The following CRYZL1 variants were observed in gnomAD, a reference collection of about 807,000 sequenced individuals.
CRYZL1 encodes crystallin zeta like 1.
CRYZL1 carries 34 observed loss-of-function variants against 50.6 expected under a neutral mutation model. The ratio of observed to expected loss-of-function variants is 0.67; its 90% confidence interval spans 0.51 to 0.89. The LOEUF is 0.89. CRYZL1 is among the 40% of genes least tolerant of loss of function. CRYZL1 has a pLI of 0.00. For synonymous variants in CRYZL1, 125 were observed against 134.3 expected, an observed-to-expected ratio of 0.93 and a Z score of 0.48; for missense variants, 354 against 402.3, an observed-to-expected ratio of 0.88 and a Z score of 1.03.
chr21:33,636,870 G>A (rs2087212614), intron 1 of CRYZL1, among the ~76,000 whole-genome samples: 1 of 152,118 alleles, frequency 6.6e-6, no homozygotes. Context: ...GCAGTGGCGC[G>A]ATGTCGGCTC....
rs150855895 is a variant in CRYZL1 at position 33,635,938 on chromosome 21, G to A, written c.-6-4381C>T. 6.4e-3 allele frequency among the ~76,000 whole-genome samples: 966 copies of A among 152,032 alleles called. 15 individuals carry two copies. Among genetic ancestry groups the A allele is most frequent in the African/African-American group, 0.022 (906 of 41,508 alleles). On this transcript the variant is annotated intron_variant, in intron 1 of 12. Transcript: ENST00000381554. Reference sequence around the variant, plus strand: ...AGAGGTTGCAGTGAGCTGAGATCGCGCCACTGCACTCCAGCCTGGCAACAC... The same window carrying A: ...AGAGGTTGCAGTGAGCTGAGATCGCACCACTGCACTCCAGCCTGGCAACAC...
chr21:33,616,811 A>T, intron 4 of CRYZL1, 61 bp from the exon 5 acceptor site: 1 of 1,337,166 alleles, frequency 7.5e-7, no homozygotes, highest in East Asian at 2.6e-5. Flanking sequence ...ATTCTTATCT[A>T]TTAAAATACA....
At chr21:33,590,485 G>A (rs1240418849) in intron 12 of CRYZL1, among the ~76,000 whole-genome samples, 3 of 149,858 alleles carry the variant, frequency 2.0e-5, no homozygotes, top group Non-Finnish European at 4.5e-5. Flanking sequence ...GTGTGATCTC[G>A]GCTCACTGCA....
At position 33,616,732 on chromosome 21, in the gene CRYZL1, AATG is replaced by A. The variant is rs1377190443; in HGVS notation, c.233_235del (p.Ser78del). ...AACTACTTCATCATCTGGTTGAAAG[AATG>A]ATACCTTGCTTCCAACTAAAGAGTG... On this transcript the variant is annotated inframe_deletion, in exon 5 of 13. Coordinates refer to ENST00000381554, the MANE Select transcript of CRYZL1 (RefSeq NM_145858.3). The A allele has an allele frequency of 3.1e-6, 5 of 1,607,978 alleles. No homozygotes were observed. The South Asian group carries it at 4.5e-5, about 14-fold the overall frequency.
At chr21:33,621,264 C>G (rs1470802435) in intron 4 of CRYZL1, among the ~76,000 whole-genome samples, 1 of 147,612 alleles carries the variant, frequency 6.8e-6, no homozygotes, top group Non-Finnish European at 1.5e-5. Flanking sequence ...TTGTCTTGAG[C>G]AACACATACA....
chr21:33,603,534 T>C lies in CRYZL1; in HGVS notation c.335A>G (p.His112Arg), dbSNP rs773512379. The change falls in exon 7 of 13, where the codon CAT becomes CGT. Residue 112 changes from histidine (H) to arginine (R), a missense_variant. Transcript: ENST00000381554. ...CGTCCATGTGACCTTTTCTGGTTTA[T>C]GAACTATCATAAAGAACAAGAAGAA... Reference protein sequence around the residue: ...VVRVHEHYLVHKPEKVTWTEA... With the variant: ...VVRVHEHYLVRKPEKVTWTEA... 4 of 1,613,926 alleles carry C rather than the reference T, an allele frequency of 2.5e-6. No individual in the cohort carries two copies. Among genetic ancestry groups the C allele is most frequent in the Admixed American group, 1.7e-5 (1 of 59,990 alleles).
At chr21:33,607,841 T>C (rs1362223579) in intron 6 of CRYZL1, among the ~76,000 whole-genome samples, 1 of 152,210 alleles carries the variant, frequency 6.6e-6, no homozygotes, top group Non-Finnish European at 1.5e-5. Context: ...GGTTATTCAG[T>C]TGAGTGTCCT....
chr21:33,612,175 A>G (rs2086879082), intron 6 of CRYZL1, among the ~76,000 whole-genome samples: 1 of 152,210 alleles, frequency 6.6e-6, no homozygotes, highest in South Asian at 2.1e-4. Flanking sequence ...TGGTATATAT[A>G]CATCATTAAT....
intron 4 of CRYZL1, among the ~76,000 whole-genome samples, chr21:33,621,067 G>A (rs374390254): frequency 1.8e-4 from 26 of 147,924 alleles, no homozygotes; most frequent in South Asian, 6.5e-4. Flanking sequence ...CACCTCGCCC[G>A]GCTAATTTTT....
chr21:33,629,472 A>T (rs986853359), intron 2 of CRYZL1, among the ~76,000 whole-genome samples: 1 of 152,242 alleles, frequency 6.6e-6, no homozygotes, highest in Admixed American at 6.5e-5. Context: ...CGTGTTGCCC[A>T]GGCTGGTCTT....
At position 33,622,040 on chromosome 21, in the gene CRYZL1, T is replaced by C. The variant is rs1432888609; in HGVS notation, c.173A>G (p.Asp58Gly). Residue 58 changes from aspartate (D) to glycine (G), a missense_variant, in exon 4 of 13, where the codon GAT (aspartate) becomes GGT (glycine). By Grantham distance (94) the Asp-to-Gly change is moderately conservative. Transcript: ENST00000381554. ...AATTTCTCTCCCAACAGGAAATAAA[T>C]CCTTTTTCATCTTCATTTCTGCCAG... ...KLLAEMKMKK[D>G]LFPVGREIAG... 6.2e-7 allele frequency: 1 copy of C among 1,612,956 alleles called. No individual in the cohort carries two copies. The highest frequency in any genetic ancestry group is 2.2e-5 in the East Asian group (1 of 44,720).
chr21:33,615,756 G>C (rs928517442), intron 5 of CRYZL1, among the ~76,000 whole-genome samples: 24 of 152,138 alleles, frequency 1.6e-4, no homozygotes, highest in African/African-American at 3.1e-4. Context: ...ACGGTGCATG[G>C]AGCTTCTATA....
At chr21:33,616,610 G>T (rs1443714393) in intron 5 of CRYZL1, 96 bp downstream of exon 5, 3 of 1,588,776 alleles carry the variant, frequency 1.9e-6, no homozygotes, top group Non-Finnish European at 1.7e-6. Context: ...ACTTCTATAT[G>T]AAGCAAGGTC....
At chr21:33,603,604 T>G in intron 6 of CRYZL1, 67 bp from the exon 7 acceptor site, 1 of 1,579,878 alleles carries the variant, frequency 6.3e-7, no homozygotes. Context: ...CTGGATCTAT[T>G]TCTCTCCATC....
intron 6 of CRYZL1, among the ~76,000 whole-genome samples, chr21:33,613,212 A>G: frequency 6.6e-6 from 1 of 152,204 alleles, no homozygotes; most frequent in Non-Finnish European, 1.5e-5. Context: ...GTCAATAACC[A>G]AGAGTAAAAA....
At chr21:33,591,015 A>C (rs2086638134) in intron 12 of CRYZL1, 147 bp downstream of exon 12, 1 of 667,834 alleles carries the variant, frequency 1.5e-6, no homozygotes, top group South Asian at 1.8e-5. Context: ...AATGGCAAAA[A>C]CCACAATTAT....
intron 4 of CRYZL1, among the ~76,000 whole-genome samples, chr21:33,618,998 C>A (rs2086966283): frequency 6.6e-6 from 1 of 152,136 alleles, no homozygotes; most frequent in African/African-American, 2.4e-5. Flanking sequence ...CAGCATAGAT[C>A]TCTCACCCTT....
intron 2 of CRYZL1, among the ~76,000 whole-genome samples, chr21:33,629,657 T>C (rs1458853659): frequency 6.6e-6 from 1 of 152,238 alleles, no homozygotes; most frequent in Non-Finnish European, 1.5e-5. Context: ...TTTCTATATA[T>C]AAGATCACGT....
intron 8 of CRYZL1, among the ~76,000 whole-genome samples, chr21:33,601,844 G>T (rs1393493461): frequency 6.6e-6 from 1 of 151,674 alleles, no homozygotes; most frequent in African/African-American, 2.4e-5. Context: ...CTGACCCTGG[G>T]GAGGTCCATA....
Sources: allele counts gnomAD v4.1 joint callset (sites outside exome capture counted in the v4.1 genomes callset), GRCh38; gene constraint gnomAD v4.1.1; transcripts MANE v1.5; gene names NCBI Gene and HGNC (gene_info 2026-07-23, HGNC 2026-07-21).